The following TMCO4 variants were observed in gnomAD, a reference collection of about 807,000 sequenced individuals.
TMCO4 encodes the protein transmembrane and coiled-coil domains 4, also known as transmembrane and coiled-coil domain-containing protein 4.
In TMCO4, 58 loss-of-function variants were observed where a neutral mutation model predicts 64.7. The ratio of observed to expected loss-of-function variants is 0.90; its 90% CI spans 0.73 to 1.12. TMCO4 has a LOEUF of 1.12. Among genes scored for constraint, TMCO4 ranks in the 50% most tolerant of loss-of-function variants. The pLI, the probability that TMCO4 is intolerant of heterozygous loss-of-function variation, is 0.00. For synonymous variants in TMCO4, 325 were observed against 346.1 expected (o/e 0.94, Z 0.68); for missense variants, 780 against 825.9 (o/e 0.94, Z 0.68).
intron 4 of TMCO4, among the ~76,000 whole-genome samples, chr1:19,771,697 C>T (rs2042990743): frequency 6.6e-6 from 1 of 152,132 alleles, no homozygotes; most frequent in South Asian, 2.1e-4. Context: ...GCTCTTGTTG[C>T]CCAGGCTGGA....
intron 15 of TMCO4, among the ~76,000 whole-genome samples, chr1:19,686,542 C>G (rs1029866901): frequency 1.3e-5 from 2 of 152,244 alleles, no homozygotes; most frequent in Non-Finnish European, 2.9e-5. Context: ...AATCTGCCCA[C>G]CTCTCGTTCC....
intron 13 of TMCO4, among the ~76,000 whole-genome samples, chr1:19,716,381 C>CT (rs1262772167): frequency 0.12 from 14,474 of 124,356 alleles, 1,120 homozygotes; most frequent in African/African-American, 0.24. Context: ...TTTTTTCTTT[C>CT]TTTTTTTTTT....
At chr1:19,782,655 G>A (rs1001582231) in intron 3 of TMCO4, among the ~76,000 whole-genome samples, 1 of 152,196 alleles carries the variant, frequency 6.6e-6, no homozygotes, top group Non-Finnish European at 1.5e-5. Context: ...GGGAAAGGGA[G>A]GAGAAGAGTA....
At position 19,708,589 on chromosome 1, in the gene TMCO4, T is replaced by G. The variant is rs2095314405; in HGVS notation, c.1265-7704A>C. The stretch of plus-strand genomic sequence containing the variant: ...CCCCACAGAGAACACTTTCGGACAG[T>G]GTGGGGCCTTTGCCAGCGGGAATCA... On this transcript the variant is annotated intron_variant, in intron 13 of 15. Coordinates refer to ENST00000294543, the MANE Select transcript of TMCO4 (RefSeq NM_181719.7). Among the ~76,000 whole-genome samples the G allele has an allele frequency of 2.0e-5, 3 of 152,126 alleles. No individual in the cohort carries two copies. The South Asian group carries it at 6.2e-4, about 31-fold the overall frequency.
intron 13 of TMCO4, among the ~76,000 whole-genome samples, chr1:19,704,757 A>G (rs936014031): frequency 1.3e-5 from 2 of 152,204 alleles, no homozygotes; most frequent in African/African-American, 4.8e-5. Context: ...CCTGAGCCAC[A>G]GTCAGGATCC....
chr1:19,685,341 G>GA (rs2095138442), intron 15 of TMCO4, among the ~76,000 whole-genome samples: 2 of 141,530 alleles, frequency 1.4e-5, no homozygotes, highest in Non-Finnish European at 3.0e-5. Flanking sequence ...AAAACAAACA[G>GA]ACAAAAAACA....
At position 19,700,644 on chromosome 1, in the gene TMCO4, CG is replaced by C. The variant is rs982782569; in HGVS notation, c.1382+123del. 2.7e-4 allele frequency: 259 copies of C among 942,954 alleles called. No individual in the cohort carries two copies. The African/African-American group carries it at 3.6e-3, about 13-fold the overall frequency. The allele number at this position is 942,954 out of a possible 1,614,324, so 58.4% of individuals were successfully genotyped here. A position where few individuals can be genotyped will look rare whatever the true frequency, so the allele number is the denominator to read the frequency against. ...GCTCCTAACAGGGCCGGTGCCCGGC[CG>C]GTTCCTGGGATCTTCCAGGACAGGG... On this transcript the variant is annotated intron_variant, in intron 14 of 15. Transcript: ENST00000294543.
intron 13 of TMCO4, among the ~76,000 whole-genome samples, chr1:19,702,488 G>T (rs2100629105): frequency 6.6e-6 from 1 of 152,234 alleles, no homozygotes; most frequent in Non-Finnish European, 1.5e-5. Context: ...CCAGCTATTT[G>T]GGAGGCTGAG....
At chr1:19,740,009 C>G in intron 11 of TMCO4, 49 bp from the exon 12 acceptor site, 1 of 1,558,078 alleles carries the variant, frequency 6.4e-7, no homozygotes, top group South Asian at 1.2e-5. Flanking sequence ...TCCTAGGGTC[C>G]TACTAGGGAA....
At position 19,717,330 on chromosome 1, in the gene TMCO4, C is replaced by G. The variant is rs78835639; in HGVS notation, c.1265-16445G>C. Among the ~76,000 whole-genome samples, 255 of 152,304 alleles carry G rather than the reference C, an allele frequency of 1.7e-3. 2 individuals carry two copies. The highest frequency in any genetic ancestry group is 5.7e-3 in the African/African-American group (236 of 41,558). On this transcript the variant is annotated intron_variant, in intron 13 of 15. Transcript: ENST00000294543. ...GGTCCCTTCCCCTCTGAGATCACACCTGGTGGAAATGGGGTCTGCCTGATT... is the reference window on the plus strand; with the variant it reads ...GGTCCCTTCCCCTCTGAGATCACACGTGGTGGAAATGGGGTCTGCCTGATT...
At chr1:19,763,250 A>G (rs1259888389) in intron 6 of TMCO4, among the ~76,000 whole-genome samples, 2 of 151,696 alleles carry the variant, frequency 1.3e-5, no homozygotes, top group Non-Finnish European at 2.9e-5. Context: ...AACTTTTTGT[A>G]TTTTTAGTAC....
intron 4 of TMCO4, among the ~76,000 whole-genome samples, chr1:19,777,740 T>A (rs1457822272): frequency 6.6e-6 from 1 of 152,238 alleles, no homozygotes; most frequent in Admixed American, 6.5e-5. Flanking sequence ...AAATCTCTCT[T>A]AGTACTGTGT....
intron 6 of TMCO4, among the ~76,000 whole-genome samples, chr1:19,762,987 C>G (rs1360078307): frequency 6.6e-6 from 1 of 152,234 alleles, no homozygotes; most frequent in African/African-American, 2.4e-5. Flanking sequence ...ATCTAAGTTC[C>G]TACTAGCTGA....
In TMCO4 at chr1:19,716,704, C is replaced by A. The variant is rs189762632; in HGVS notation, c.1265-15819G>T. ...TCCCTGCACCTGCTCTCTCGAAAAA[C>A]AGGGACTGTTCTGGTGTCCTCCCTC... On this transcript the variant is annotated intron_variant, in intron 13 of 15. Coordinates refer to ENST00000294543, the MANE Select transcript of TMCO4 (RefSeq NM_181719.7). 1.4e-3 allele frequency among the ~76,000 whole-genome samples: 210 copies of A among 152,234 alleles called. 1 individual carries two copies. Among genetic ancestry groups the A allele is most frequent in the African/African-American group, 4.8e-3 (198 of 41,540 alleles).
chr1:19,795,018 G>A (rs968091230), intron 2 of TMCO4, among the ~76,000 whole-genome samples: 1 of 152,160 alleles, frequency 6.6e-6, no homozygotes, highest in Non-Finnish European at 1.5e-5. Context: ...GGAAGTGGTT[G>A]TTTAATGGGT....
At chr1:19,767,045 C>A (rs967532547) in intron 6 of TMCO4, among the ~76,000 whole-genome samples, 11 of 152,220 alleles carry the variant, frequency 7.2e-5, no homozygotes, top group Non-Finnish European at 1.5e-4. Flanking sequence ...ACCTCCCAGG[C>A]ATTATCAAAG....
At chr1:19,753,551 T>G in intron 7 of TMCO4, among the ~76,000 whole-genome samples, 1 of 152,140 alleles carries the variant, frequency 6.6e-6, no homozygotes, top group Non-Finnish European at 1.5e-5. Context: ...AGAGTCACCT[T>G]GGTCGGCCCA....
chr1:19,743,645 G>A lies in TMCO4; in HGVS notation c.877+1887C>T, dbSNP rs536940418. Among the ~76,000 whole-genome samples the A allele has an allele frequency of 5.3e-5, 8 of 152,134 alleles. No homozygotes were observed. The highest frequency in any genetic ancestry group is 2.6e-4 in the Admixed American group (4 of 15,272). On this transcript the variant is annotated intron_variant, in intron 10 of 15. Coordinates refer to ENST00000294543, the MANE Select transcript of TMCO4 (RefSeq NM_181719.7). The surrounding 1 kb of genome is among the most constrained non-coding windows in gnomAD (Gnocchi z 4.1). Reference sequence around the variant, plus strand: ...AATAGGGGCAAACTGAACAAGTGGGGGCAAAATGAAGAAAGGAGTTTGCTT... The same window carrying A: ...AATAGGGGCAAACTGAACAAGTGGGAGCAAAATGAAGAAAGGAGTTTGCTT...
chr1:19,686,211 G>A (rs2095148293), intron 15 of TMCO4, among the ~76,000 whole-genome samples: 1 of 152,232 alleles, frequency 6.6e-6, no homozygotes, highest in Non-Finnish European at 1.5e-5. Context: ...GCTGCCTGCA[G>A]AAGCTGCTCA....
Sources: gnomAD v4.1 joint callset for allele counts (sites outside exome capture counted in the v4.1 genomes callset) on GRCh38, gnomAD v4.1.1 for gene constraint, Gnocchi (gnomAD v3.1) non-coding constraint, MANE v1.5 for transcripts, NCBI Gene and HGNC (gene_info 2026-07-23, HGNC 2026-07-21) for gene names.